Variants in GPIHBP1 observed in about 807,000 individuals in gnomAD.
GPIHBP1 encodes the protein glycosylphosphatidylinositol anchored high density lipoprotein binding protein 1.
A neutral mutation model predicts 13.0 loss-of-function variants in GPIHBP1; 11 were observed. The observed-to-expected ratio is 0.84, with a 90% CI of 0.53 to 1.40. GPIHBP1 has a LOEUF of 1.40. Ranked by LOEUF, GPIHBP1 falls within the 40% of genes most tolerant of loss-of-function variation. The pLI is 0.00. For synonymous variants in GPIHBP1, 106 were observed against 102.2 expected (o/e 1.04, Z -0.22); for missense variants, 231 against 241.1 (o/e 0.96, Z 0.28).
rs1816289210 is a variant in GPIHBP1, at chr8:143,215,367, T to C, written c.404T>C (p.Leu135Pro). 6.2e-7 allele frequency: 1 copy of C among 1,612,908 alleles called. No homozygotes were observed. The highest frequency in any genetic ancestry group is 8.5e-7 in the Non-Finnish European group (1 of 1,179,990). Residue 135 changes from leucine (L) to proline (P), a missense_variant, in exon 4 of 4, where the codon CTG becomes CCG. Physicochemically the swap from Leu to Pro is moderately conservative, Grantham distance 98 (BLOSUM62 -3). Transcript: ENST00000622500. ...QVTMTCCQSS[L>P]CNVPPWQSSR... ...ACCATGACCTGCTGCCAGTCCAGCC[T>C]GTGCAATGTCCCACCCTGGCAAAGC... is the stretch of plus-strand genomic sequence containing the variant.
rs1816301075 is a variant in GPIHBP1 at position 143,215,863 on chromosome 8, C to T, written c.*345C>T. On this transcript the variant is annotated 3_prime_UTR_variant, in exon 4 of 4. Coordinates refer to ENST00000622500, the MANE Select transcript of GPIHBP1 (RefSeq NM_178172.6). ...CACCACACACCTGGGGGCCCCCACA[C>T]CCAGTCCTCACCCTTAACTTCTGCC... The T allele has an allele frequency of 2.6e-6, 1 of 384,086 alleles. No homozygotes were observed. Among genetic ancestry groups the T allele is most frequent in the African/African-American group, 2.0e-5 (1 of 49,338 alleles). The allele number at this position is 384,086 out of a possible 1,614,324, so 23.8% of individuals were successfully genotyped here.
At position 143,215,882 on chromosome 8, in the gene GPIHBP1, T is replaced by G; in HGVS notation, c.*364T>G. The G allele has an allele frequency of 3.5e-6, 1 of 283,516 alleles. No homozygotes were observed. Among genetic ancestry groups the G allele is most frequent in the East Asian group, 6.8e-5 (1 of 14,670 alleles). 17.6% of individuals were successfully genotyped at this position (283,516 alleles called of 1,614,324 possible). On this transcript the variant is annotated 3_prime_UTR_variant, in exon 4 of 4. Coordinates refer to ENST00000622500, the MANE Select transcript of GPIHBP1 (RefSeq NM_178172.6). ...CCCACACCCAGTCCTCACCCTTAAC[T>G]TCTGCCATGGGAATTCCTCCATCTG...
Position 143,214,052 on chromosome 8 carries a change from C to A in GPIHBP1, c.181+102C>A. On this transcript the variant is annotated intron_variant, in intron 2 of 3. Coordinates refer to ENST00000622500, the MANE Select transcript of GPIHBP1 (RefSeq NM_178172.6). The surrounding 1 kb of genome is among the most constrained non-coding windows in gnomAD (Gnocchi z 4.1). ...CAGCAGGCCACAGTCCTGCTGTGAGCTTGCCTCCAGCAGAGTGGGGGACAC... is the reference window on the plus strand; with the variant it reads ...CAGCAGGCCACAGTCCTGCTGTGAGATTGCCTCCAGCAGAGTGGGGGACAC... 1 of 1,475,494 alleles carries A rather than the reference C, an allele frequency of 6.8e-7. No homozygotes were observed. Among genetic ancestry groups the A allele is most frequent in the Non-Finnish European group, 9.2e-7 (1 of 1,085,244 alleles). The allele number at this position is 1,475,494 out of a possible 1,614,324, so 91.4% of individuals were successfully genotyped here. A position where few individuals can be genotyped will look rare whatever the true frequency, so the allele number is the denominator to read the frequency against.
rs1275647711 is a variant in GPIHBP1 at position 143,215,569 on chromosome 8, C to T, written c.*51C>T. ...CGGCTCACCCCCGGCCCTGCCAGCA[C>T]TCTGTCTGGTACCTTCCCCTCCTGC... On this transcript the variant is annotated 3_prime_UTR_variant, in exon 4 of 4. Coordinates refer to ENST00000622500, the MANE Select transcript of GPIHBP1 (RefSeq NM_178172.6). The T allele has an allele frequency of 1.7e-5, 24 of 1,428,706 alleles. No homozygotes were observed. In the South Asian group the frequency reaches 2.6e-4, roughly 15 times the overall value. The allele number at this position is 1,428,706 out of a possible 1,614,324, so 88.5% of individuals were successfully genotyped here.
In GPIHBP1 at chr8:143,215,518, AC is replaced by A. The variant is rs750040173; in HGVS notation, c.*3del. 5.7e-6 allele frequency: 9 copies of A among 1,583,742 alleles called. No individual in the cohort carries two copies. In the African/African-American group the frequency reaches 1.1e-4, roughly 19 times the overall value. ...GAGCAATGGGGGCCAGGAGACCCTG[AC>A]CCACGGCCCCTCCCCACCCCCACCC... On this transcript the variant is annotated 3_prime_UTR_variant, in exon 4 of 4. Coordinates refer to ENST00000622500, the MANE Select transcript of GPIHBP1 (RefSeq NM_178172.6).
rs149305582 is a variant in GPIHBP1 at position 143,215,058 on chromosome 8, G to A, written c.227G>A (p.Arg76His). ...YTCKSLPRDE[R>H]CNLTQNCSHG... ...TGCAAGTCCCTGCCCAGGGACGAGC[G>A]CTGCAACCTGACGCAGAACTGCTCA... Residue 76 changes from arginine to histidine, a missense_variant, in exon 3 of 4, where the codon CGC becomes CAC. Physicochemically the swap from Arg to His is conservative, Grantham distance 29. Coordinates refer to ENST00000622500, the MANE Select transcript of GPIHBP1 (RefSeq NM_178172.6). The A allele has an allele frequency of 1.6e-5, 25 of 1,607,378 alleles. No individual in the cohort carries two copies. The highest frequency in any genetic ancestry group is 2.3e-5 in the East Asian group (1 of 44,174).
Position 143,215,420 on chromosome 8 carries a change from G to T in GPIHBP1, c.457G>T (p.Gly153Trp), listed in dbSNP as rs1311215038. 1 of 1,612,604 alleles carries T rather than the reference G, an allele frequency of 6.2e-7. No homozygotes were observed. The highest frequency in any genetic ancestry group is 1.3e-5 in the African/African-American group (1 of 74,930). ...CCGAGTCCAGGACCCAACAGGCAAG[G>T]GGGCAGGCGGCCCCCGGGGCAGCTC... The part of the protein sequence containing the change: ...SSRVQDPTGK[G>W]AGGPRGSSET... Residue 153 changes from glycine to tryptophan, a missense_variant, in exon 4 of 4, where the codon GGG becomes TGG. Coordinates refer to ENST00000622500, the MANE Select transcript of GPIHBP1 (RefSeq NM_178172.6).
At chr8:143,213,730 A>C in intron 1 of GPIHBP1, 92 bp from the exon 2 acceptor site, 1 of 1,528,674 alleles carries the variant, frequency 6.5e-7, no homozygotes, top group Non-Finnish European at 8.8e-7. Context: ...ATGGCTGGGG[A>C]GGGCCAAGGA....
chr8:143,216,270 G>T lies in GPIHBP1; in HGVS notation c.*752G>T, dbSNP rs1304542461. 2.0e-5 allele frequency: 3 copies of T among 147,976 alleles called. No homozygotes were observed. Among genetic ancestry groups the T allele is most frequent in the Non-Finnish European group, 3.0e-5 (2 of 66,870 alleles). The allele number at this position is 147,976 out of a possible 1,614,324, so 9.2% of individuals were successfully genotyped here. A position where few individuals can be genotyped will look rare whatever the true frequency, so the allele number is the denominator to read the frequency against. ...GCTGGGTGGGTGCCTGTCACCTTGA[G>T]GTGACCATCTAGGGTCAGTACCTGC... On this transcript the variant is annotated 3_prime_UTR_variant, in exon 4 of 4. Transcript: ENST00000622500.
Position 143,215,067 on chromosome 8 carries a change from T to C in GPIHBP1, c.236T>C (p.Leu79Pro). ...CTGCCCAGGGACGAGCGCTGCAACC[T>C]GACGCAGAACTGCTCACATGGCCAG... ...KSLPRDERCN[L>P]TQNCSHGQTC... Residue 79 changes from leucine to proline, a missense_variant, in exon 3 of 4, where the codon CTG (leucine) becomes CCG (proline). Leu to Pro is a moderately conservative substitution (Grantham distance 98). Transcript: ENST00000622500. 6.2e-7 allele frequency: 1 copy of C among 1,610,482 alleles called. No homozygotes were observed. Among genetic ancestry groups the C allele is most frequent in the Non-Finnish European group, 8.5e-7 (1 of 1,178,934 alleles).
In GPIHBP1 at chr8:143,214,819, C is replaced by G. The variant is rs899459486; in HGVS notation, c.182-194C>G. Among the ~76,000 whole-genome samples the G allele has an allele frequency of 1.3e-5, 2 of 152,190 alleles. No homozygotes were observed. Among genetic ancestry groups the G allele is most frequent in the East Asian group, 3.9e-4 (2 of 5,188 alleles). On this transcript the variant is annotated intron_variant, in intron 2 of 3. Coordinates refer to ENST00000622500, the MANE Select transcript of GPIHBP1 (RefSeq NM_178172.6). This position sits in a 1 kb window ranked among gnomAD's most constrained non-coding sequence, Gnocchi z 4.1. ...CTGCCTGACCCGCAATCCCTTGCCC[C>G]CTAAACACACAGGCTCACGCACACA...
chr8:143,215,444 T>C lies in GPIHBP1; in HGVS notation c.481T>C (p.Ser161Pro). 6.2e-7 allele frequency: 1 copy of C among 1,612,476 alleles called. No individual in the cohort carries two copies. The highest frequency in any genetic ancestry group is 2.2e-5 in the East Asian group (1 of 44,860). ...GGGGGCAGGCGGCCCCCGGGGCAGCTCCGAAACTGTGGGCGCAGCCCTCCT... is the reference window on the plus strand; with the variant it reads ...GGGGGCAGGCGGCCCCCGGGGCAGCCCCGAAACTGTGGGCGCAGCCCTCCT... ...GKGAGGPRGS[S>P]ETVGAALLLN... is the part of the protein sequence containing the mutation. Residue 161 changes from serine (S) to proline (P), a missense_variant, in exon 4 of 4, where the codon TCC (serine) becomes CCC (proline). Ser to Pro is a moderately conservative substitution (Grantham distance 74, BLOSUM62 -1). Transcript: ENST00000622500.
Position 143,215,070 on chromosome 8 carries a change from C to T in GPIHBP1, c.239C>T (p.Thr80Met), listed in dbSNP as rs749374488. Residue 80 changes from threonine to methionine, a missense_variant, in exon 3 of 4, where the codon ACG becomes ATG. Transcript: ENST00000622500. ...CCCAGGGACGAGCGCTGCAACCTGA[C>T]GCAGAACTGCTCACATGGCCAGACC... ...SLPRDERCNL[T>M]QNCSHGQTCT... The T allele has an allele frequency of 4.3e-6, 7 of 1,610,900 alleles. No individual in the cohort carries two copies. Among genetic ancestry groups the T allele is most frequent in the Non-Finnish European group, 5.1e-6 (6 of 1,179,134 alleles).
Position 143,215,356 on chromosome 8 carries a change from C to A in GPIHBP1, c.393C>A (p.Cys131Ter). 1 of 1,612,884 alleles carries A rather than the reference C, an allele frequency of 6.2e-7. No homozygotes were observed. The highest frequency in any genetic ancestry group is 1.1e-5 in the South Asian group (1 of 91,088). The change falls in exon 4 of 4, where the codon TGC becomes TGA. Residue 131 changes from cysteine (C) to a stop codon, truncating the protein, a stop_gained. Transcript: ENST00000622500. LOFTEE classifies it low-confidence loss of function (END_TRUNC). ...VEGTQVTMTC[C>*]QSSLCNVPPW... ...GGACCCAGGTGACCATGACCTGCTG[C>A]CAGTCCAGCCTGTGCAATGTCCCAC...
At chr8:143,215,221 G>A (rs565995398) in intron 3 of GPIHBP1, 38 bp from the exon 4 acceptor site, 39 of 1,612,830 alleles carry the variant, frequency 2.4e-5, no homozygotes, top group East Asian at 2.0e-4. Context: ...CAGAGACCCC[G>A]CCCATCCTCA....
Position 143,214,929 on chromosome 8 carries a change from A to G in GPIHBP1, c.182-84A>G. On this transcript the variant is annotated intron_variant, in intron 2 of 3. Transcript: ENST00000622500. The surrounding 1 kb of genome is among the most constrained non-coding windows in gnomAD (Gnocchi z 4.1). ...GCTCACCAGGCTAGGCTTTGGGAGCACAGCTGAGAACGGGGAGGTGGACAG... is the reference window on the plus strand; with the variant it reads ...GCTCACCAGGCTAGGCTTTGGGAGCGCAGCTGAGAACGGGGAGGTGGACAG... 2.1e-6 allele frequency: 2 copies of G among 935,590 alleles called. No individual in the cohort carries two copies. The highest frequency in any genetic ancestry group is 3.3e-6 in the Non-Finnish European group (2 of 598,914). The allele number at this position is 935,590 out of a possible 1,614,324, so 58.0% of individuals were successfully genotyped here.
At chr8:143,215,168 C>A in intron 3 of GPIHBP1, 42 bp downstream of exon 3, 1 of 1,608,552 alleles carries the variant, frequency 6.2e-7, no homozygotes, top group Non-Finnish European at 8.5e-7. Context: ...CCCCAGGCGG[C>A]GGGAAAGCCA....
chr8:143,215,664 C>T lies in GPIHBP1; in HGVS notation c.*146C>T, dbSNP rs1409391250. The T allele has an allele frequency of 1.6e-5, 11 of 685,276 alleles. No individual in the cohort carries two copies. The highest frequency in any genetic ancestry group is 4.1e-4 in the Middle Eastern group (1 of 2,454). The allele number at this position is 685,276 out of a possible 1,614,324, so 42.4% of individuals were successfully genotyped here. A position where few individuals can be genotyped will look rare whatever the true frequency, so the allele number is the denominator to read the frequency against. ...TCCAGCCAGCGCAGGCCCCCCGGCC[C>T]GGTTGCTTCCTCAGTTCCCGGCTGT... On this transcript the variant is annotated 3_prime_UTR_variant, in exon 4 of 4. Coordinates refer to ENST00000622500, the MANE Select transcript of GPIHBP1 (RefSeq NM_178172.6).
chr8:143,213,446 G>C (rs13253453), intron 1 of GPIHBP1, 127 bp downstream of exon 1: 141,847 of 812,000 alleles, frequency 0.17, 15,068 homozygotes, highest in African/African-American at 0.41. Context: ...CCCCAGCCCA[G>C]AGCAGCATGG....
Sources: allele counts gnomAD v4.1 joint callset (sites outside exome capture counted in the v4.1 genomes callset), GRCh38; gene constraint gnomAD v4.1.1; non-coding constraint Gnocchi (gnomAD v3.1); transcripts MANE v1.5; gene names NCBI Gene and HGNC (gene_info 2026-07-23, HGNC 2026-07-21).